Variants in ASIC1 observed in about 807,000 individuals in gnomAD.
ASIC1 encodes acid-sensing ion channel 1.
ASIC1 carries 21 observed loss-of-function variants against 63.4 expected under a neutral mutation model. The observed-to-expected ratio is 0.33, with a 90% CI of 0.23 to 0.48. The LOEUF is 0.48. Among genes scored for constraint, ASIC1 ranks in the 20% least tolerant of loss-of-function variants. ASIC1 has a pLI of 0.99. For synonymous variants in ASIC1, 258 were observed against 278.2 expected (o/e 0.93, Z 0.72); for missense variants, 478 against 695.5 (o/e 0.69, Z 3.52).
Position 50,057,817 on chromosome 12 carries a change from C to T in ASIC1, c.-116C>T, listed in dbSNP as rs1950459605. The T allele has an allele frequency of 6.6e-6, 1 of 150,560 alleles. No homozygotes were observed. Among genetic ancestry groups the T allele is most frequent in the South Asian group, 2.1e-4 (1 of 4,834 alleles). The allele number at this position is 150,560 out of a possible 1,614,324, so 9.3% of individuals were successfully genotyped here. On this transcript the variant is annotated 5_prime_UTR_variant, in exon 1 of 12. Transcript: ENST00000447966. This position sits in a 1 kb window ranked among gnomAD's most constrained non-coding sequence, Gnocchi z 4.7. ...GTGCCGCGGCGGCCGCGGGCTCCGGCCCCGGGCCATGAGCCCCTCCGCGAC... is the reference window on the plus strand; with the variant it reads ...GTGCCGCGGCGGCCGCGGGCTCCGGTCCCGGGCCATGAGCCCCTCCGCGAC...
At chr12:50,069,027 C>T (rs914505731) in intron 3 of ASIC1, among the ~76,000 whole-genome samples, 5 of 152,148 alleles carry the variant, frequency 3.3e-5, no homozygotes, top group African/African-American at 7.2e-5. Flanking sequence ...GAATCCTCAC[C>T]GTGGCCTTTA....
Position 50,081,812 on chromosome 12 carries a change from T to A in ASIC1, c.*163T>A. 1.6e-6 allele frequency: 1 copy of A among 622,946 alleles called. No homozygotes were observed. The highest frequency in any genetic ancestry group is 2.8e-6 in the Non-Finnish European group (1 of 356,884). 38.6% of individuals were successfully genotyped at this position (622,946 alleles called of 1,614,324 possible). A position where few individuals can be genotyped will look rare whatever the true frequency, so the allele number is the denominator to read the frequency against. On this transcript the variant is annotated 3_prime_UTR_variant, in exon 12 of 12. Coordinates refer to ENST00000447966, the MANE Select transcript of ASIC1 (RefSeq NM_001095.4). ...GGAGTCTTGACCATAGAGTCCTCTC[T>A]CTGCCTCTATCCCATTCTTTTTACA...
In ASIC1 at chr12:50,079,910, G is replaced by T; in HGVS notation, c.1060G>T (p.Val354Leu). ...CACCTGGCTGAGTGCAGACTTCCTGGTGGAGAAGGACCAGGAGTACTGCGT... is the reference window on the plus strand; with the variant it reads ...CACCTGGCTGAGTGCAGACTTCCTGTTGGAGAAGGACCAGGAGTACTGCGT... ...ECADPALDFL[V>L]EKDQEYCVCE... The change falls in exon 8 of 12, where the codon GTG becomes TTG. Residue 354 changes from valine to leucine, a missense_variant. By Grantham distance (32) the Val-to-Leu change is conservative. Around this residue, in one of 3 missense-constraint regions of ASIC1, gnomAD observed 84 missense variants for 183.5 expected, o/e 0.46. Coordinates refer to ENST00000447966, the MANE Select transcript of ASIC1 (RefSeq NM_001095.4). The T allele has an allele frequency of 6.2e-7, 1 of 1,605,970 alleles. No individual in the cohort carries two copies. The highest frequency in any genetic ancestry group is 8.5e-7 in the Non-Finnish European group (1 of 1,175,800).
Position 50,078,809 on chromosome 12 carries a change from G to A in ASIC1, c.995-115G>A. 1 of 1,375,906 alleles carries A rather than the reference G, an allele frequency of 7.3e-7. No homozygotes were observed. The highest frequency in any genetic ancestry group is 1.0e-6 in the Non-Finnish European group (1 of 967,478). 85.2% of individuals were successfully genotyped at this position (1,375,906 alleles called of 1,614,324 possible). ...CACTTCTGGGGCAGCATGGGGGCCT[G>A]CCAGTCCTCCCTTCCCATCTTCTCC... On this transcript the variant is annotated intron_variant, in intron 6 of 11. Coordinates refer to ENST00000447966, the MANE Select transcript of ASIC1 (RefSeq NM_001095.4). This position sits in a 1 kb window ranked among gnomAD's most constrained non-coding sequence, Gnocchi z 6.0.
chr12:50,064,855 G>A (rs901444320), intron 3 of ASIC1, among the ~76,000 whole-genome samples: 3 of 152,340 alleles, frequency 2.0e-5, no homozygotes, highest in East Asian at 3.9e-4. Context: ...AGCTCCACTG[G>A]ATTCATTCCC....
chr12:50,067,579 T>G (rs576573306), intron 3 of ASIC1, among the ~76,000 whole-genome samples: 7 of 152,196 alleles, frequency 4.6e-5, no homozygotes, highest in East Asian at 3.9e-4. Flanking sequence ...CGGCTATTTT[T>G]TTGTTGTTGT....
At chr12:50,067,792 A>G (rs1950560801) in intron 3 of ASIC1, among the ~76,000 whole-genome samples, 1 of 150,040 alleles carries the variant, frequency 6.7e-6, no homozygotes, top group African/African-American at 2.5e-5. Flanking sequence ...ATGTCTACCC[A>G]CTCCTCTGTC....
intron 1 of ASIC1, 126 bp downstream of exon 1, chr12:50,058,042 G>T (rs1950462338): frequency 6.6e-6 from 1 of 152,126 alleles, no homozygotes; most frequent in African/African-American, 2.4e-5. Flanking sequence ...GGCGGGGGCC[G>T]AGCTGGGGAT....
intron 3 of ASIC1, among the ~76,000 whole-genome samples, chr12:50,063,726 T>C (rs1950521628): frequency 6.6e-6 from 1 of 152,052 alleles, no homozygotes; most frequent in African/African-American, 2.4e-5. Flanking sequence ...GGAAGTAAGA[T>C]GCTGCAATGA....
At chr12:50,070,255 C>T (rs967075439) in intron 3 of ASIC1, among the ~76,000 whole-genome samples, 2 of 152,032 alleles carry the variant, frequency 1.3e-5, no homozygotes, top group Admixed American at 6.5e-5. Context: ...TCCTCATCCC[C>T]CAATTACTTG....
chr12:50,062,976 G>C (rs750475891), intron 3 of ASIC1, among the ~76,000 whole-genome samples: 1 of 152,328 alleles, frequency 6.6e-6, no homozygotes, highest in Non-Finnish European at 1.5e-5. Flanking sequence ...ACTGAAGAGG[G>C]AGAAGGGCAG....
intron 3 of ASIC1, among the ~76,000 whole-genome samples, chr12:50,063,004 C>T (rs1398241422): frequency 2.0e-5 from 3 of 152,134 alleles, no homozygotes; most frequent in African/African-American, 7.2e-5. Context: ...AGTATCCCCA[C>T]AGCAACCTGG....
At chr12:50,065,003 A>G (rs374159455) in intron 3 of ASIC1, among the ~76,000 whole-genome samples, 1 of 152,188 alleles carries the variant, frequency 6.6e-6, no homozygotes, top group East Asian at 1.9e-4. Context: ...AAGGGGGAAC[A>G]TGCTGGGGAT....
At chr12:50,063,241 G>A (rs527265593) in intron 3 of ASIC1, among the ~76,000 whole-genome samples, 61 of 152,308 alleles carry the variant, frequency 4.0e-4, no homozygotes, top group Non-Finnish European at 8.1e-4. Flanking sequence ...TCTGGGTGGG[G>A]GCCAGAGAAG....
chr12:50,081,966 A>G lies in ASIC1; in HGVS notation c.*317A>G. ...AATTCTGTCTATCTAGCTGTCTGCC[A>G]TCTGAGTGTCCATCTACATTCTGCT... On this transcript the variant is annotated 3_prime_UTR_variant, in exon 12 of 12. Coordinates refer to ENST00000447966, the MANE Select transcript of ASIC1 (RefSeq NM_001095.4). 2.8e-6 allele frequency: 1 copy of G among 353,302 alleles called. No individual in the cohort carries two copies. Among genetic ancestry groups the G allele is most frequent in the Non-Finnish European group, 5.2e-6 (1 of 191,868 alleles). The allele number at this position is 353,302 out of a possible 1,614,324, so 21.9% of individuals were successfully genotyped here.
In ASIC1 at chr12:50,081,837, A is replaced by C; in HGVS notation, c.*188A>C. 1 of 596,332 alleles carries C rather than the reference A, an allele frequency of 1.7e-6. No homozygotes were observed. 36.9% of individuals were successfully genotyped at this position (596,332 alleles called of 1,614,324 possible). A position where few individuals can be genotyped will look rare whatever the true frequency, so the allele number is the denominator to read the frequency against. On this transcript the variant is annotated 3_prime_UTR_variant, in exon 12 of 12. Transcript: ENST00000447966. The stretch of plus-strand genomic sequence containing the variant: ...TCTGCCTCTATCCCATTCTTTTTAC[A>C]TTTAACAAAACTAATCTAAAAAAGA...
rs111678055 is a variant in ASIC1 at position 50,080,770 on chromosome 12, A to G, written c.1297+181A>G. ...GGAACTGAGCCTTCTCTTAGGGCAAAGTGGAAAAGAGAAAAGACAGGCCTG... is the reference window on the plus strand; with the variant it reads ...GGAACTGAGCCTTCTCTTAGGGCAAGGTGGAAAAGAGAAAAGACAGGCCTG... On this transcript the variant is annotated intron_variant, in intron 9 of 11. Transcript: ENST00000447966. 3.8e-4 allele frequency: 582 copies of G among 1,538,130 alleles called. 6 individuals are homozygous for G. In the South Asian group the frequency reaches 5.3e-3, roughly 14 times the overall value.
At position 50,074,315 on chromosome 12, in the gene ASIC1, C is replaced by CTGGGGT. The variant is rs1466334192; in HGVS notation, c.559-2892_559-2887dup. Reference sequence around the variant, plus strand: ...CATGGCTGTCCCTGACTGTCACCTCCTGGGGTTGGGGCTGGGGCTGGGGCT... The same window carrying CTGGGGT: ...CATGGCTGTCCCTGACTGTCACCTCCTGGGGTTGGGGTTGGGGCTGGGGCTGGGGCT... On this transcript the variant is annotated intron_variant, in intron 3 of 11. Transcript: ENST00000447966. This position sits in a 1 kb window ranked among gnomAD's most constrained non-coding sequence, Gnocchi z 4.2. 66 of 1,431,474 alleles carry CTGGGGT rather than the reference C, an allele frequency of 4.6e-5. 1 individual carries two copies. Among genetic ancestry groups the CTGGGGT allele is most frequent in the East Asian group, 3.0e-4 (12 of 39,914 alleles). The allele number at this position is 1,431,474 out of a possible 1,614,324, so 88.7% of individuals were successfully genotyped here. A position where few individuals can be genotyped will look rare whatever the true frequency, so the allele number is the denominator to read the frequency against.
At position 50,080,675 on chromosome 12, in the gene ASIC1, G is replaced by A. The variant is rs201197289; in HGVS notation, c.1297+86G>A. 3 of 1,614,120 alleles carry A rather than the reference G, an allele frequency of 1.9e-6. No homozygotes were observed. The Admixed American group carries it at 5.0e-5, about 27-fold the overall frequency. The stretch of plus-strand genomic sequence containing the variant: ...ATCCAAAAGCAGGGTGCTCACTTCT[G>A]TCCCATGAGGGTCCTCCACCCCAGA... On this transcript the variant is annotated intron_variant, in intron 9 of 11. Coordinates refer to ENST00000447966, the MANE Select transcript of ASIC1 (RefSeq NM_001095.4).
Sources: allele counts gnomAD v4.1 joint callset (sites outside exome capture counted in the v4.1 genomes callset), GRCh38; gene constraint gnomAD v4.1.1; regional missense constraint gnomAD v4.1.1; non-coding constraint Gnocchi (gnomAD v3.1); transcripts MANE v1.5; gene names NCBI Gene and HGNC (gene_info 2026-07-23, HGNC 2026-07-21).